Variants in DISC1 observed in about 807,000 individuals in gnomAD.
DISC1 encodes DISC1 scaffold protein, also known as disrupted in schizophrenia 1 protein.
DISC1 carries 57 observed loss-of-function variants against 84.5 expected under a neutral mutation model. The observed-to-expected ratio is 0.67, with a 90% CI of 0.55 to 0.84. The LOEUF is 0.84. Ranked by LOEUF, DISC1 falls within the 40% of genes least tolerant of loss-of-function variation. The pLI, the probability that DISC1 is intolerant of heterozygous loss-of-function variation, is 0.00. For missense variants in DISC1, 1,000 were observed against 1,057.8 expected, an observed-to-expected ratio of 0.95 and a Z score of 0.76; for synonymous variants, 411 against 415.2, an observed-to-expected ratio of 0.99 and a Z score of 0.12.
chr1:231,869,137 A>G (rs1428746005), intron 9 of DISC1, among the ~76,000 whole-genome samples: 1 of 152,178 alleles, frequency 6.6e-6, no homozygotes, highest in Non-Finnish European at 1.5e-5. Context: ...CATGTCAAAC[A>G]TATCAGCTTG....
chr1:231,853,146 T>G (rs16855280), intron 9 of DISC1, among the ~76,000 whole-genome samples: 3,243 of 152,318 alleles, frequency 0.021, 110 homozygotes, highest in African/African-American at 0.072. Flanking sequence ...GATATTTGCC[T>G]TTAGCATTCT....
intron 6 of DISC1, among the ~76,000 whole-genome samples, chr1:231,779,981 C>A (rs530902709): frequency 3.0e-4 from 46 of 151,972 alleles, no homozygotes; most frequent in Admixed American, 1.0e-3. Context: ...AGGCTGTAAC[C>A]CCCTTTTAAG....
chr1:231,985,336 CAAAAA>C (rs59619547), intron 10 of DISC1, among the ~76,000 whole-genome samples: 1 of 99,690 alleles, frequency 1.0e-5, no homozygotes, highest in Non-Finnish European at 2.1e-5. Context: ...CCCCACCCAC[CAAAAA>C]AAAAAAAAAA....
intron 6 of DISC1, among the ~76,000 whole-genome samples, chr1:231,790,750 C>G (rs953124064): frequency 6.6e-6 from 1 of 152,108 alleles, no homozygotes; most frequent in African/African-American, 2.4e-5. Flanking sequence ...CATCTCCTGA[C>G]CTTGTGATCT....
intron 1 of DISC1, among the ~76,000 whole-genome samples, chr1:231,669,629 A>T (rs1193922061): frequency 6.6e-6 from 1 of 152,224 alleles, no homozygotes; most frequent in Non-Finnish European, 1.5e-5. Flanking sequence ...AAAAAGCTCC[A>T]CATCACTGAT....
chr1:231,690,989 G>A (rs2064933614), intron 1 of DISC1, among the ~76,000 whole-genome samples: 1 of 152,168 alleles, frequency 6.6e-6, no homozygotes, highest in South Asian at 2.1e-4. Flanking sequence ...GCCCTCCTGG[G>A]CTTGTTGCTT....
At chr1:231,757,452 A>T (rs1352732727) in intron 4 of DISC1, among the ~76,000 whole-genome samples, 1 of 152,138 alleles carries the variant, frequency 6.6e-6, no homozygotes, top group African/African-American at 2.4e-5. Context: ...AAAAATCACA[A>T]TTTAATTCAG....
intron 3 of DISC1, among the ~76,000 whole-genome samples, chr1:231,716,417 A>G (rs1293792844): frequency 6.6e-6 from 1 of 151,794 alleles, no homozygotes; most frequent in Non-Finnish European, 1.5e-5. Context: ...TACTCTTCAC[A>G]TTGTCGTATG....
intron 1 of DISC1, among the ~76,000 whole-genome samples, chr1:231,689,482 C>A (rs2064726113): frequency 2.0e-5 from 3 of 152,034 alleles, no homozygotes; most frequent in African/African-American, 7.2e-5. Context: ...CAGGTGTGCA[C>A]CACCACGCCA....
At chr1:231,737,931 C>G (rs990777533) in intron 3 of DISC1, among the ~76,000 whole-genome samples, 1 of 152,174 alleles carries the variant, frequency 6.6e-6, no homozygotes, top group Non-Finnish European at 1.5e-5. Context: ...GACATCGGCT[C>G]TCTGCAACCT....
At chr1:231,759,478 C>A (rs1215454536) in intron 4 of DISC1, among the ~76,000 whole-genome samples, 1 of 113,026 alleles carries the variant, frequency 8.8e-6, no homozygotes, top group Non-Finnish European at 1.6e-5. Context: ...TGCTTGAGAC[C>A]AAGAGTTTGA....
chr1:231,641,182 G>A (rs183055925), intron 1 of DISC1, among the ~76,000 whole-genome samples: 1 of 152,326 alleles, frequency 6.6e-6, no homozygotes, highest in African/African-American at 2.4e-5. Context: ...GAGTGTGTCC[G>A]GAATTGGTGG....
intron 9 of DISC1, among the ~76,000 whole-genome samples, chr1:231,831,115 A>G (rs1204902745): frequency 3.3e-5 from 5 of 152,190 alleles, no homozygotes; most frequent in African/African-American, 4.8e-5. Context: ...CCAGGCTAAG[A>G]GGTATTTTAA....
At chr1:231,691,831 T>C (rs1047468582) in intron 1 of DISC1, among the ~76,000 whole-genome samples, 4 of 152,218 alleles carry the variant, frequency 2.6e-5, no homozygotes, top group African/African-American at 9.6e-5. Flanking sequence ...CTGGCCACCC[T>C]GTTCCGACTG....
chr1:231,889,059 C>T lies in DISC1; in HGVS notation c.1982-69769C>T, dbSNP rs573399147. Among the ~76,000 whole-genome samples, 3 of 152,228 alleles carry T rather than the reference C, an allele frequency of 2.0e-5. No homozygotes were observed. The East Asian group carries it at 5.8e-4, about 29-fold the overall frequency. ...GCACTGGGGCCATTTTCCTGGTGTTCTGAGCACTCTTTCTGCAGAAGAAGA... is the reference window on the plus strand; with the variant it reads ...GCACTGGGGCCATTTTCCTGGTGTTTTGAGCACTCTTTCTGCAGAAGAAGA... On this transcript the variant is annotated intron_variant, in intron 9 of 12. Transcript: ENST00000439617.
At chr1:231,871,239 T>C (rs750219424) in intron 9 of DISC1, among the ~76,000 whole-genome samples, 1 of 152,196 alleles carries the variant, frequency 6.6e-6, no homozygotes, top group Non-Finnish European at 1.5e-5. Flanking sequence ...TTGCAGAGCA[T>C]TGCCTATTAG....
At chr1:231,907,993 A>C (rs574275799) in intron 9 of DISC1, among the ~76,000 whole-genome samples, 1 of 152,300 alleles carries the variant, frequency 6.6e-6, no homozygotes, top group Admixed American at 6.5e-5. Flanking sequence ...GTGTCTGTTC[A>C]TATCCTTTGC....
At chr1:231,689,530 C>T (rs1329452186) in intron 1 of DISC1, among the ~76,000 whole-genome samples, 1 of 152,022 alleles carries the variant, frequency 6.6e-6, no homozygotes, top group Non-Finnish European at 1.5e-5. Context: ...TGGGGCCTCG[C>T]CATGTTGCCC....
At chr1:231,948,605 T>TA (rs34622279) in intron 9 of DISC1, among the ~76,000 whole-genome samples, 6,088 of 147,988 alleles carry the variant, frequency 0.041, 406 homozygotes, top group African/African-American at 0.14. Context: ...AAAGTATAAT[T>TA]AAAAAAAAAA....
Sources: gnomAD v4.1 joint callset for allele counts (sites outside exome capture counted in the v4.1 genomes callset) on GRCh38, gnomAD v4.1.1 for gene constraint, MANE v1.5 for transcripts, NCBI Gene and HGNC (gene_info 2026-07-23, HGNC 2026-07-21) for gene names.